The following WFDC1 variants were observed in gnomAD, a reference collection of about 807,000 sequenced individuals.
WFDC1 encodes WAP four-disulfide core domain 1.
WFDC1 carries 39 observed loss-of-function variants against 32.9 expected under a neutral mutation model. The observed-to-expected ratio is 1.19, with a 90% CI of 0.92 to 1.55. WFDC1 has a LOEUF of 1.55. Among genes scored for constraint, WFDC1 ranks in the 40% most tolerant of loss-of-function variants. The pLI, the probability that WFDC1 is intolerant of heterozygous loss-of-function variation, is 0.00. For missense variants in WFDC1, 386 were observed against 309.5 expected (o/e 1.25, Z -1.85); for synonymous variants, 184 against 137.4 (o/e 1.34, Z -2.37).
intron 1 of WFDC1, among the ~76,000 whole-genome samples, chr16:84,301,832 C>T (rs1285069069): frequency 2.0e-5 from 3 of 152,186 alleles, no homozygotes; most frequent in Non-Finnish European, 2.9e-5. Flanking sequence ...TGAGATTCCT[C>T]ATCTGAGGTC....
At chr16:84,308,099 T>C (rs1907373644) in intron 1 of WFDC1, among the ~76,000 whole-genome samples, 1 of 152,200 alleles carries the variant, frequency 6.6e-6, no homozygotes, top group South Asian at 2.1e-4. Flanking sequence ...AGAAGGGTTC[T>C]CTGGGTGAAG....
At chr16:84,310,098 G>A (rs575317958) in intron 1 of WFDC1, among the ~76,000 whole-genome samples, 4 of 152,098 alleles carry the variant, frequency 2.6e-5, no homozygotes, top group Non-Finnish European at 5.9e-5. Context: ...AGACACAGGA[G>A]GCTCGAGGCC....
chr16:84,319,943 A>G (rs1335615282), intron 4 of WFDC1, among the ~76,000 whole-genome samples: 1 of 152,152 alleles, frequency 6.6e-6, no homozygotes, highest in African/African-American at 2.4e-5. Flanking sequence ...GAGCAGTCGG[A>G]GCAGCCCTAA....
At chr16:84,307,653 T>C (rs544468929) in intron 1 of WFDC1, among the ~76,000 whole-genome samples, 1 of 152,318 alleles carries the variant, frequency 6.6e-6, no homozygotes, top group East Asian at 1.9e-4. Flanking sequence ...TCCATTAAAT[T>C]TCATAAATGA....
intron 1 of WFDC1, among the ~76,000 whole-genome samples, chr16:84,304,577 C>G (rs1048341339): frequency 4.6e-5 from 7 of 152,172 alleles, no homozygotes; most frequent in African/African-American, 1.7e-4. Context: ...GGGTTCTTGT[C>G]TAAGTTGTAC....
At chr16:84,297,249 A>G (rs2151362802) in intron 1 of WFDC1, among the ~76,000 whole-genome samples, 1 of 152,258 alleles carries the variant, frequency 6.6e-6, no homozygotes, top group South Asian at 2.1e-4. Context: ...TCCTCGCTGA[A>G]TTGAAACTTT....
intron 2 of WFDC1, among the ~76,000 whole-genome samples, chr16:84,314,899 C>G (rs567664418): frequency 6.5e-4 from 99 of 152,372 alleles, no homozygotes; most frequent in African/African-American, 2.3e-3. Flanking sequence ...ACAGATGATA[C>G]AACTGTACAT....
intron 1 of WFDC1, among the ~76,000 whole-genome samples, chr16:84,298,810 C>T (rs964871631): frequency 6.6e-5 from 10 of 152,156 alleles, no homozygotes; most frequent in African/African-American, 1.2e-4. Context: ...GAGATGAGCA[C>T]GCTTGCCTTC....
intron 1 of WFDC1, among the ~76,000 whole-genome samples, chr16:84,298,573 C>T (rs1443169390): frequency 2.6e-5 from 4 of 152,154 alleles, no homozygotes; most frequent in Admixed American, 2.6e-4. Context: ...TGAAATCAAC[C>T]ATGCTGGGAG....
At chr16:84,305,839 T>TA (rs1907216915) in intron 1 of WFDC1, among the ~76,000 whole-genome samples, 1 of 151,814 alleles carries the variant, frequency 6.6e-6, no homozygotes, top group Non-Finnish European at 1.5e-5. Flanking sequence ...CCATCTCTAC[T>TA]AAAAATACAA....
chr16:84,320,830 G>A (rs550800303), intron 4 of WFDC1, among the ~76,000 whole-genome samples: 25 of 151,896 alleles, frequency 1.6e-4, no homozygotes, highest in Admixed American at 8.5e-4. Flanking sequence ...CCTATTTGCC[G>A]AAAGTATACT....
intron 1 of WFDC1, among the ~76,000 whole-genome samples, chr16:84,311,947 C>T (rs1223410714): frequency 6.6e-6 from 1 of 152,036 alleles, no homozygotes; most frequent in African/African-American, 2.4e-5. Flanking sequence ...AGGCGGATCA[C>T]CTGAGGTAGG....
At chr16:84,315,383 G>A (rs981745434) in intron 2 of WFDC1, among the ~76,000 whole-genome samples, 9 of 152,190 alleles carry the variant, frequency 5.9e-5, no homozygotes, top group East Asian at 5.8e-4. Context: ...CCCACTTGAA[G>A]GTCAGCCCCA....
chr16:84,326,809 C>G (rs1338177474), intron 5 of WFDC1, 73 bp from the exon 6 acceptor site: 1 of 1,587,830 alleles, frequency 6.3e-7, no homozygotes, highest in Non-Finnish European at 8.6e-7. Flanking sequence ...TTTGGCAGTT[C>G]CTGGTGAGCC....
At chr16:84,328,936 G>C (rs934652873) in intron 6 of WFDC1, 2 of 144,366 alleles carry the variant, frequency 1.4e-5, no homozygotes, top group African/African-American at 2.6e-5. Flanking sequence ...CTGGGTGACA[G>C]AGTGAGACCC....
At chr16:84,300,476 C>G (rs897228478) in intron 1 of WFDC1, among the ~76,000 whole-genome samples, 2 of 152,374 alleles carry the variant, frequency 1.3e-5, no homozygotes, top group Middle Eastern at 3.4e-3. Flanking sequence ...CCCAAATGTA[C>G]TCCCTGCACT....
intron 4 of WFDC1, among the ~76,000 whole-genome samples, chr16:84,320,780 G>A (rs1288317939): frequency 2.0e-5 from 3 of 152,150 alleles, no homozygotes; most frequent in African/African-American, 4.8e-5. Flanking sequence ...AATAGCTAAG[G>A]ACAGGACCCT....
intron 2 of WFDC1, among the ~76,000 whole-genome samples, chr16:84,314,461 C>T (rs112145497): frequency 1.5e-3 from 226 of 152,200 alleles, no homozygotes; most frequent in African/African-American, 5.4e-3. Flanking sequence ...CTGTGGGTTC[C>T]CATGGGCCTT....
intron 1 of WFDC1, among the ~76,000 whole-genome samples, chr16:84,308,235 A>G (rs988874177): frequency 6.6e-6 from 1 of 151,966 alleles, no homozygotes; most frequent in African/African-American, 2.4e-5. Flanking sequence ...CCCTGGGGGC[A>G]GCTGAAAACC....
Sources: gnomAD v4.1 joint callset for allele counts (sites outside exome capture counted in the v4.1 genomes callset) on GRCh38, gnomAD v4.1.1 for gene constraint, MANE v1.5 for transcripts, NCBI Gene and HGNC (gene_info 2026-07-23, HGNC 2026-07-21) for gene names.